Variants in IQCJ observed in about 807,000 individuals in gnomAD.
The protein encoded by IQCJ is IQ domain-containing protein J.
A neutral mutation model predicts 11.0 loss-of-function variants in IQCJ; 9 were observed. The ratio of observed to expected loss-of-function variants is 0.82; its 90% CI spans 0.49 to 1.43. IQCJ has a LOEUF of 1.43. IQCJ is among the 40% of genes most tolerant of loss of function. IQCJ has a pLI of 0.00. For synonymous variants in IQCJ, 55 were observed against 51.3 expected (o/e 1.07, Z -0.31); for missense variants, 146 against 133.2 (o/e 1.10, Z -0.47).
chr3:159,244,137 T>C (rs1727099692), intron 1 of IQCJ, among the ~76,000 whole-genome samples: 1 of 152,152 alleles, frequency 6.6e-6, no homozygotes, highest in East Asian at 1.9e-4. Flanking sequence ...TTGTCAGACA[T>C]GTACATGGAA....
chr3:159,195,154 A>T (rs1281443063), intron 1 of IQCJ, among the ~76,000 whole-genome samples: 1 of 151,886 alleles, frequency 6.6e-6, no homozygotes, highest in Admixed American at 6.6e-5. Context: ...TTCCATATCT[A>T]TAAACTCTTC....
chr3:159,221,704 A>G (rs1238293502), intron 1 of IQCJ, among the ~76,000 whole-genome samples: 1 of 152,056 alleles, frequency 6.6e-6, no homozygotes, highest in Non-Finnish European at 1.5e-5. Flanking sequence ...CAACCCCTTA[A>G]GCCTTACCAG....
chr3:159,154,994 T>G (rs1336151724), intron 1 of IQCJ, among the ~76,000 whole-genome samples: 3 of 152,036 alleles, frequency 2.0e-5, no homozygotes, highest in African/African-American at 7.2e-5. Flanking sequence ...TCTCCATCCT[T>G]CGCCATCCCC....
At chr3:159,087,105 G>T (rs979333672) in intron 1 of IQCJ, among the ~76,000 whole-genome samples, 302 of 152,202 alleles carry the variant, frequency 2.0e-3, no homozygotes, top group African/African-American at 6.3e-3. Flanking sequence ...AATACCTAAT[G>T]TATTGAGAGT....
chr3:159,215,213 G>A (rs1485727066), intron 1 of IQCJ, among the ~76,000 whole-genome samples: 2 of 152,182 alleles, frequency 1.3e-5, no homozygotes, highest in South Asian at 2.1e-4. Context: ...GACAATGGAA[G>A]TATGAAGTAA....
rs1398089398 is a variant in IQCJ, at chr3:159,262,671, C to T, written c.279C>T (p.Asp93=). The stretch of plus-strand genomic sequence containing the variant: ...CTGTCAGCATGAACACCTTCTCCGA[C>T]AGCAGCACACCCGTGAGTGTCATGT... ...SSSVSMNTFS[D]SSTPVSVMFL... is the part of the protein sequence containing the mutation. The change falls in exon 4 of 4, where the codon GAC becomes GAT. Residue 93 remains aspartate, a synonymous_variant. Transcript: ENST00000397832. 3 of 1,613,874 alleles carry T rather than the reference C, an allele frequency of 1.9e-6. No homozygotes were observed. Among genetic ancestry groups the T allele is most frequent in the East Asian group, 2.2e-5 (1 of 44,886 alleles).
intron 1 of IQCJ, among the ~76,000 whole-genome samples, chr3:159,244,094 G>A (rs534212408): frequency 2.4e-4 from 36 of 152,198 alleles, no homozygotes; most frequent in Non-Finnish European, 4.1e-4. Flanking sequence ...TATGAGCAGA[G>A]AAATCAACAT....
In IQCJ at chr3:159,158,977, CAG is replaced by C. The variant is rs1202946665; in HGVS notation, c.10-86863_10-86862del. 1.3e-5 allele frequency among the ~76,000 whole-genome samples: 2 copies of C among 152,168 alleles called. 1 individual carries two copies. Among genetic ancestry groups the C allele is most frequent in the Admixed American group, 1.3e-4 (2 of 15,266 alleles). On this transcript the variant is annotated intron_variant, in intron 1 of 3. Transcript: ENST00000397832. The stretch of plus-strand genomic sequence containing the variant: ...GAAACTGGAGGCCCAGTAGGCCACA[CAG>C]AGCCACATGGGAAGCACTGGGATTG...
intron 1 of IQCJ, among the ~76,000 whole-genome samples, chr3:159,135,013 G>A (rs1720207496): frequency 6.6e-6 from 1 of 152,110 alleles, no homozygotes; most frequent in Non-Finnish European, 1.5e-5. Context: ...TATATACCAG[G>A]ACAGTTTGTG....
chr3:159,253,764 G>A lies in IQCJ; in HGVS notation c.155+957G>A, dbSNP rs553586457. Among the ~76,000 whole-genome samples the A allele has an allele frequency of 6.0e-4, 92 of 152,294 alleles. 2 individuals carry two copies. The highest frequency in any genetic ancestry group is 5.8e-3 in the South Asian group (28 of 4,824). On this transcript the variant is annotated intron_variant, in intron 3 of 3. Transcript: ENST00000397832. ...GGAGGAATCTTTTAGAAAAGAAATC[G>A]CCCTAAAGAAGGGCACCTTGAGGTG...
At chr3:159,198,537 A>G (rs1724128594) in intron 1 of IQCJ, among the ~76,000 whole-genome samples, 2 of 152,230 alleles carry the variant, frequency 1.3e-5, no homozygotes, top group Admixed American at 1.3e-4. Flanking sequence ...GGAAAAGAGA[A>G]CAATTTCTTT....
chr3:159,158,521 A>G (rs745411244), intron 1 of IQCJ, among the ~76,000 whole-genome samples: 5 of 152,194 alleles, frequency 3.3e-5, no homozygotes, highest in Non-Finnish European at 7.3e-5. Flanking sequence ...GATTAGTACA[A>G]TGCCAGCATT....
intron 1 of IQCJ, among the ~76,000 whole-genome samples, chr3:159,156,976 A>C (rs1721560040): frequency 6.6e-6 from 1 of 152,190 alleles, no homozygotes; most frequent in Non-Finnish European, 1.5e-5. Flanking sequence ...TGTTTTTACC[A>C]ATGGACCTGG....
At chr3:159,134,518 C>A (rs758705331) in intron 1 of IQCJ, among the ~76,000 whole-genome samples, 9 of 152,058 alleles carry the variant, frequency 5.9e-5, no homozygotes, top group Non-Finnish European at 1.2e-4. Flanking sequence ...TGGAACAAAC[C>A]CAAGAGTGAC....
At chr3:159,243,950 T>C (rs1347382169) in intron 1 of IQCJ, among the ~76,000 whole-genome samples, 5 of 152,222 alleles carry the variant, frequency 3.3e-5, no homozygotes, top group Non-Finnish European at 7.3e-5. Flanking sequence ...AGCTCATTGA[T>C]TGACTATAAA....
intron 2 of IQCJ, among the ~76,000 whole-genome samples, chr3:159,250,743 G>A (rs921209309): frequency 1.3e-5 from 2 of 152,198 alleles, no homozygotes; most frequent in East Asian, 1.9e-4. Flanking sequence ...ACCTGGTCTC[G>A]TCCTTGACAT....
rs574037479 is a variant in IQCJ at position 159,105,017 on chromosome 3, G to A, written c.9+35576G>A. Among the ~76,000 whole-genome samples, 8 of 152,246 alleles carry A rather than the reference G, an allele frequency of 5.3e-5. No individual in the cohort carries two copies. In the South Asian group the frequency reaches 1.0e-3, roughly 20 times the overall value. On this transcript the variant is annotated intron_variant, in intron 1 of 3. Transcript: ENST00000397832. The stretch of plus-strand genomic sequence containing the variant: ...AATGTCTGGAACATAGTAGATATTC[G>A]ATAAAAATGTTTTGTTGATTGAATA...
chr3:159,265,235 G>A, downstream of IQCJ: 3 of 1,613,588 alleles, frequency 1.9e-6, no homozygotes, highest in Non-Finnish European at 2.5e-6. Context: ...CCCCTGTTGG[G>A]AAGATTCATC....
chr3:159,258,696 A>G (rs1728037757), intron 3 of IQCJ, among the ~76,000 whole-genome samples: 2 of 152,146 alleles, frequency 1.3e-5, no homozygotes, highest in Non-Finnish European at 1.5e-5. Flanking sequence ...ATTTTTTATA[A>G]TTGTTTGGTA....
Sources: gnomAD v4.1 joint callset for allele counts (sites outside exome capture counted in the v4.1 genomes callset) on GRCh38, gnomAD v4.1.1 for gene constraint, MANE v1.5 for transcripts, NCBI Gene and HGNC (gene_info 2026-07-23, HGNC 2026-07-21) for gene names.